Variants in SLCO4A1 observed in about 807,000 individuals in gnomAD.
SLCO4A1 encodes solute carrier organic anion transporter family member 4A1.
A neutral mutation model predicts 64.6 loss-of-function variants in SLCO4A1; 51 were observed. The observed-to-expected ratio is 0.79, with a 90% confidence interval of 0.63 to 1.00. SLCO4A1 has a LOEUF of 1.00. SLCO4A1 is among the 50% of genes least tolerant of loss of function. The probability of loss-of-function intolerance (pLI) is 0.00; values close to 1 mark genes in which losing one functional copy is unlikely to be tolerated. For synonymous variants in SLCO4A1, 471 were observed against 444.9 expected (o/e 1.06, Z -0.74); for missense variants, 919 against 980.5 (o/e 0.94, Z 0.84).
chr20:62,644,436 G>C lies in SLCO4A1; in HGVS notation c.-97+1883G>C, dbSNP rs1980961173. On this transcript the variant is annotated intron_variant, in intron 1 of 11. Coordinates refer to ENST00000217159, the MANE Select transcript of SLCO4A1 (RefSeq NM_016354.4). The surrounding 1 kb of genome is among the most constrained non-coding windows in gnomAD (Gnocchi z 5.4). ...CAGGTGCTGGGCAAGTCCCTCCCAT[G>C]GTGGAGAGCTGGCTGGGCACGTGGC... Among the ~76,000 whole-genome samples, 1 of 152,250 alleles carries C rather than the reference G, an allele frequency of 6.6e-6. No individual in the cohort carries two copies. Among genetic ancestry groups the C allele is most frequent in the Non-Finnish European group, 1.5e-5 (1 of 68,036 alleles).
chr20:62,648,518 G>T (rs753400531), intron 1 of SLCO4A1, among the ~76,000 whole-genome samples: 4 of 152,134 alleles, frequency 2.6e-5, no homozygotes, highest in East Asian at 3.9e-4. Flanking sequence ...CATGGGAGCC[G>T]TGTGGCCGGA....
At chr20:62,655,958 C>T (rs1329742386) in intron 1 of SLCO4A1, among the ~76,000 whole-genome samples, 1 of 152,222 alleles carries the variant, frequency 6.6e-6, no homozygotes, top group Non-Finnish European at 1.5e-5. Context: ...GGGGCCAGGG[C>T]GGGGTGACCT....
At chr20:62,675,901 G>C (rs6062793), downstream of SLCO4A1, among the ~76,000 whole-genome samples, 2 of 152,330 alleles carry the variant, frequency 1.3e-5, no homozygotes, top group East Asian at 3.9e-4. Flanking sequence ...GGAGGAGAAA[G>C]ACATGCATCC....
chr20:62,674,601 C>T (rs369484757), downstream of SLCO4A1, among the ~76,000 whole-genome samples: 5 of 152,158 alleles, frequency 3.3e-5, no homozygotes, highest in African/African-American at 4.8e-5. Context: ...AGGGTCTGAG[C>T]GGCCCTGTGT....
Position 62,658,752 on chromosome 20 carries a change from C to T in SLCO4A1, c.872C>T (p.Thr291Met), listed in dbSNP as rs200394300. Residue 291 changes from threonine to methionine, a missense_variant, in exon 3 of 12, where the codon ACG (threonine) becomes ATG (methionine). Coordinates refer to ENST00000217159, the MANE Select transcript of SLCO4A1 (RefSeq NM_016354.4). ...GGAGGTGCCCTGCTGAATATCTACA[C>T]GGAAATGGGCCGACGGTGAGTGGCC... is the stretch of plus-strand genomic sequence containing the variant. ...LIGGALLNIY[T>M]EMGRRTELTT... 40 of 1,610,512 alleles carry T rather than the reference C, an allele frequency of 2.5e-5. No homozygotes were observed. The East Asian group carries it at 4.2e-4, about 17-fold the overall frequency.
chr20:62,650,154 A>G (rs921892306), intron 1 of SLCO4A1: 1 of 152,268 alleles, frequency 6.6e-6, no homozygotes, highest in Non-Finnish European at 1.5e-5. Context: ...TCACTGTTAC[A>G]GGGACCAGCT....
downstream of SLCO4A1, chr20:62,672,395 A>G (rs111902446): frequency 1.7e-6 from 1 of 597,472 alleles, no homozygotes; most frequent in African/African-American, 2.0e-5. Context: ...ATCCGTGGAT[A>G]TGAAAAGTTG....
Position 62,656,398 on chromosome 20 carries a change from T to G in SLCO4A1, c.-57T>G. 7.1e-7 allele frequency: 1 copy of G among 1,415,570 alleles called. No homozygotes were observed. Among genetic ancestry groups the G allele is most frequent in the Non-Finnish European group, 9.3e-7 (1 of 1,076,662 alleles). 87.7% of individuals were successfully genotyped at this position (1,415,570 alleles called of 1,614,324 possible). ...TCGGATACCACTTGGCCACTCCCGC[T>G]GAGGCCACTCCCACTGCGTGGCTGA... On this transcript the variant is annotated 5_prime_UTR_variant, in exon 2 of 12. Coordinates refer to ENST00000217159, the MANE Select transcript of SLCO4A1 (RefSeq NM_016354.4).
Position 62,681,030 on chromosome 20 carries a change from A to T in SLCO4A1, n.212-4411A>T, listed in dbSNP as rs183341134. The stretch of plus-strand genomic sequence containing the variant: ...AGGGCTCAGCTGATCCTCCCATTTC[A>T]GCATCCTGAGTAGCTGGGACTATAG... On this transcript the variant is annotated intron_variant and non_coding_transcript_variant, in intron 2 of 2. Coordinates refer to the SLCO4A1 transcript ENST00000466818. Among the ~76,000 whole-genome samples the T allele has an allele frequency of 2.1e-3, 325 of 152,216 alleles. 3 individuals are homozygous for T. The highest frequency in any genetic ancestry group is 3.9e-3 in the Non-Finnish European group (262 of 68,014).
At chr20:62,687,913 C>A (rs968040332), downstream of SLCO4A1, among the ~76,000 whole-genome samples, 9 of 152,188 alleles carry the variant, frequency 5.9e-5, no homozygotes, top group African/African-American at 2.2e-4. Flanking sequence ...TCCCCACTCA[C>A]CTCCCGGCCA....
In SLCO4A1 at chr20:62,647,184, T is replaced by C. The variant is rs561529683; in HGVS notation, c.-97+4631T>C. 2.0e-5 allele frequency among the ~76,000 whole-genome samples: 3 copies of C among 152,356 alleles called. No individual in the cohort carries two copies. The East Asian group carries it at 5.8e-4, about 29-fold the overall frequency. ...AGTGAAAGCTCCTTTCATTCATTCA[T>C]CCAGCTTGAGGAAGAGACCCTGGAG... On this transcript the variant is annotated intron_variant, in intron 1 of 11. Transcript: ENST00000217159.
At chr20:62,662,324 G>C (rs1985126863) in intron 5 of SLCO4A1, among the ~76,000 whole-genome samples, 1 of 152,092 alleles carries the variant, frequency 6.6e-6, no homozygotes, top group Non-Finnish European at 1.5e-5. Flanking sequence ...CCCAGGACTT[G>C]GGAACATCGT....
In SLCO4A1 at chr20:62,685,519, A is replaced by G; in HGVS notation, n.290A>G. 1 of 908,544 alleles carries G rather than the reference A, an allele frequency of 1.1e-6. No individual in the cohort carries two copies. The highest frequency in any genetic ancestry group is 1.3e-6 in the Non-Finnish European group (1 of 759,856). 56.3% of individuals were successfully genotyped at this position (908,544 alleles called of 1,614,324 possible). A position where few individuals can be genotyped will look rare whatever the true frequency, so the allele number is the denominator to read the frequency against. The stretch of plus-strand genomic sequence containing the variant: ...GATCTCCTTGAATTGGATTTTCACC[A>G]AGGCCGTGATGGATGTGGAGTCTCG... On this transcript the variant is annotated non_coding_transcript_exon_variant, in exon 3 of 3. Transcript: ENST00000466818. The surrounding 1 kb of genome is among the most constrained non-coding windows in gnomAD (Gnocchi z 4.6).
At chr20:62,683,588 C>A (rs1230468987) in intron 2 of SLCO4A1, among the ~76,000 whole-genome samples, 4 of 152,138 alleles carry the variant, frequency 2.6e-5, no homozygotes, top group African/African-American at 7.2e-5. Context: ...GTTGGTGCAC[C>A]TTTTCTAGGT....
chr20:62,687,437 C>A (rs1176104092), downstream of SLCO4A1, among the ~76,000 whole-genome samples: 1 of 152,268 alleles, frequency 6.6e-6, no homozygotes, highest in African/African-American at 2.4e-5. Flanking sequence ...CACGCAGTGG[C>A]GTCCAGGGCA....
intron 11 of SLCO4A1, 28 bp from the exon 12 acceptor site, chr20:62,671,722 G>T (rs372411994): frequency 6.2e-7 from 1 of 1,604,102 alleles, no homozygotes; most frequent in Admixed American, 1.7e-5. Context: ...AGCTCCCCAC[G>T]AGGTCCAGCG....
chr20:62,661,261 G>C lies in SLCO4A1; in HGVS notation c.1121+86G>C. On this transcript the variant is annotated intron_variant, in intron 5 of 11. Coordinates refer to ENST00000217159, the MANE Select transcript of SLCO4A1 (RefSeq NM_016354.4). This position sits in a 1 kb window ranked among gnomAD's most constrained non-coding sequence, Gnocchi z 5.2. ...GGGGGAGTCGTTGAGACCCCTCCGG[G>C]ATCATGATGGGGACGCAGCCCCTAA... 1 of 919,346 alleles carries C rather than the reference G, an allele frequency of 1.1e-6. No homozygotes were observed. Among genetic ancestry groups the C allele is most frequent in the Non-Finnish European group, 1.8e-6 (1 of 559,330 alleles). 56.9% of individuals were successfully genotyped at this position (919,346 alleles called of 1,614,324 possible). A position where few individuals can be genotyped will look rare whatever the true frequency, so the allele number is the denominator to read the frequency against.
rs1204354673 is a variant in SLCO4A1 at position 62,656,827 on chromosome 20, AAC to A, written c.377_378del (p.Thr126SerfsTer10). The A allele has an allele frequency of 5.6e-6, 9 of 1,612,432 alleles. No homozygotes were observed. The highest frequency in any genetic ancestry group is 7.6e-6 in the Non-Finnish European group (9 of 1,179,682). On this transcript the variant is annotated frameshift_variant, in exon 2 of 12. Transcript: ENST00000217159. LOFTEE classifies it high-confidence loss of function. The part of the protein sequence containing the change: ...LQGMTVNGFI[N>X]TVITSLERRY... ...GGGGATGACTGTGAATGGCTTCATCAACACAGTCATCACCTCCCTGGAGCGCC... is the reference window on the plus strand; with the variant it reads ...GGGGATGACTGTGAATGGCTTCATCAACAGTCATCACCTCCCTGGAGCGCC...
chr20:62,685,413 T>G lies in SLCO4A1; in HGVS notation n.212-28T>G. ...TGGCCTGACCAAGCGGGCTGTTTTC[T>G]TGCTTTGTTTGTTGTTTTTTTCTTA... On this transcript the variant is annotated intron_variant and non_coding_transcript_variant, in intron 2 of 2. Coordinates refer to the SLCO4A1 transcript ENST00000466818. The surrounding 1 kb of genome is among the most constrained non-coding windows in gnomAD (Gnocchi z 4.6). 1 of 984,604 alleles carries G rather than the reference T, an allele frequency of 1.0e-6. No individual in the cohort carries two copies. Among genetic ancestry groups the G allele is most frequent in the Non-Finnish European group, 1.2e-6 (1 of 829,140 alleles). 61.0% of individuals were successfully genotyped at this position (984,604 alleles called of 1,614,324 possible). A position where few individuals can be genotyped will look rare whatever the true frequency, so the allele number is the denominator to read the frequency against.
Sources: allele counts gnomAD v4.1 joint callset (sites outside exome capture counted in the v4.1 genomes callset), GRCh38; gene constraint gnomAD v4.1.1; non-coding constraint Gnocchi (gnomAD v3.1); transcripts MANE v1.5; gene names NCBI Gene and HGNC (gene_info 2026-07-23, HGNC 2026-07-21).